CLSTN2: variants seen among roughly 807,000 people sequenced by gnomAD.
CLSTN2 encodes calsyntenin-2.
Under a neutral mutation model 101.2 loss-of-function variants are expected in CLSTN2, and 48 were observed. The observed-to-expected ratio is 0.47, with a 90% CI of 0.38 to 0.60. CLSTN2 has a LOEUF of 0.60. CLSTN2 is among the 20% of genes least tolerant of loss of function. The pLI, the probability that CLSTN2 is intolerant of heterozygous loss-of-function variation, is 0.00. For missense variants in CLSTN2, 1,160 were observed against 1,238.2 expected (o/e 0.94, Z 0.95); for synonymous variants, 481 against 463.6 (o/e 1.04, Z -0.48).
Position 140,184,573 on chromosome 3 carries a change from T to C in CLSTN2, c.232+8500T>C, listed in dbSNP as rs183579914. ...ATTACAATTCGAGATGAGATTCTAGTAGAGACACAGAGCCAAACCATATCA... is the reference window on the plus strand; with the variant it reads ...ATTACAATTCGAGATGAGATTCTAGCAGAGACACAGAGCCAAACCATATCA... On this transcript the variant is annotated intron_variant, in intron 2 of 16. Coordinates refer to ENST00000458420, the MANE Select transcript of CLSTN2 (RefSeq NM_022131.3). 3.9e-5 allele frequency among the ~76,000 whole-genome samples: 6 copies of C among 152,202 alleles called. No homozygotes were observed. The East Asian group carries it at 1.2e-3, about 29-fold the overall frequency.
At chr3:140,259,170 G>GAA (rs5852973) in intron 2 of CLSTN2, among the ~76,000 whole-genome samples, 123 of 147,526 alleles carry the variant, frequency 8.3e-4, no homozygotes, top group African/African-American at 1.5e-3. Context: ...ATAATTGATT[G>GAA]AAAAAAAAAA....
intron 2 of CLSTN2, among the ~76,000 whole-genome samples, chr3:140,187,314 A>G (rs932001428): frequency 6.6e-5 from 10 of 152,084 alleles, no homozygotes; most frequent in Admixed American, 6.5e-5. Flanking sequence ...CTTGGTGACC[A>G]CTGCCTGCCT....
rs779601547 is a variant in CLSTN2, at chr3:140,404,685, G to A, written c.556G>A (p.Glu186Lys). The A allele has an allele frequency of 8.1e-6, 13 of 1,614,082 alleles. No individual in the cohort carries two copies. Among genetic ancestry groups the A allele is most frequent in the Admixed American group, 6.7e-5 (4 of 60,008 alleles). ...DSILQVEAIDEDCSPQYSQIC... is the reference protein window; with the variant it reads ...DSILQVEAIDKDCSPQYSQIC... ...CATTCTGCAGGTGGAGGCCATTGACGAGGACTGCTCCCCACAGTACAGCCA... is the reference window on the plus strand; with the variant it reads ...CATTCTGCAGGTGGAGGCCATTGACAAGGACTGCTCCCCACAGTACAGCCA... Residue 186 changes from glutamate to lysine, a missense_variant, in exon 4 of 17, where the codon GAG becomes AAG. Transcript: ENST00000458420.
At chr3:140,089,062 C>T (rs575034674) in intron 1 of CLSTN2, among the ~76,000 whole-genome samples, 1 of 152,276 alleles carries the variant, frequency 6.6e-6, no homozygotes, top group African/African-American at 2.4e-5. Context: ...ATGCAAAACA[C>T]ATTGAGTCTT....
Position 140,073,247 on chromosome 3 carries a change from A to C in CLSTN2, c.110-102704A>C, listed in dbSNP as rs552915394. 1.1e-3 allele frequency among the ~76,000 whole-genome samples: 161 copies of C among 152,368 alleles called. 1 individual carries two copies. Among genetic ancestry groups the C allele is most frequent in the African/African-American group, 3.8e-3 (158 of 41,590 alleles). On this transcript the variant is annotated intron_variant, in intron 1 of 16. Transcript: ENST00000458420. Reference sequence around the variant, plus strand: ...TAATGTGGTGAAATTGTAAAGGTATAGACGAGTGGGAAGAAAGAAGGAGAG... The same window carrying C: ...TAATGTGGTGAAATTGTAAAGGTATCGACGAGTGGGAAGAAAGAAGGAGAG...
intron 2 of CLSTN2, among the ~76,000 whole-genome samples, chr3:140,235,799 G>A (rs2086411546): frequency 6.6e-6 from 1 of 152,208 alleles, no homozygotes; most frequent in Non-Finnish European, 1.5e-5. Flanking sequence ...GTAGGTGGTA[G>A]TGGGGGGCTG....
At position 140,382,378 on chromosome 3, in the gene CLSTN2, C is replaced by G. The variant is rs116334533; in HGVS notation, c.233-21251C>G. 3.4e-3 allele frequency among the ~76,000 whole-genome samples: 522 copies of G among 152,296 alleles called. 3 individuals are homozygous for G. The highest frequency in any genetic ancestry group is 0.012 in the African/African-American group (484 of 41,582). ...AATATCCTGTGAAGGGAAACAGTCA[C>G]TATTCCCCAACAATGTGAGGGCCAT... On this transcript the variant is annotated intron_variant, in intron 2 of 16. Coordinates refer to ENST00000458420, the MANE Select transcript of CLSTN2 (RefSeq NM_022131.3).
Position 140,483,260 on chromosome 3 carries a change from C to A in CLSTN2, c.1344+16529C>A, listed in dbSNP as rs547120204. Among the ~76,000 whole-genome samples, 123 of 152,158 alleles carry A rather than the reference C, an allele frequency of 8.1e-4. 1 individual carries two copies. Among genetic ancestry groups the A allele is most frequent in the African/African-American group, 2.7e-3 (114 of 41,534 alleles). ...CCATGTAGTTGAGCGGTTTTGAGTG[C>A]GTTTCTTAATCCTGAGTTCTAGTTT... On this transcript the variant is annotated intron_variant, in intron 8 of 16. Coordinates refer to ENST00000458420, the MANE Select transcript of CLSTN2 (RefSeq NM_022131.3).
rs1985531958 is a variant in CLSTN2 at position 140,571,156 on chromosome 3, C to G, written c.*4903C>G. On this transcript the variant is annotated 3_prime_UTR_variant, in exon 17 of 17. Coordinates refer to ENST00000458420, the MANE Select transcript of CLSTN2 (RefSeq NM_022131.3). Reference sequence around the variant, plus strand: ...CCAGCACAGCTCAGCCCATAATGATCTCTGAGCAGGAGTGTTCATTATCTC... The same window carrying G: ...CCAGCACAGCTCAGCCCATAATGATGTCTGAGCAGGAGTGTTCATTATCTC... The G allele has an allele frequency of 1.3e-5, 2 of 152,204 alleles. No homozygotes were observed. Among genetic ancestry groups the G allele is most frequent in the African/African-American group, 4.8e-5 (2 of 41,460 alleles). The allele number at this position is 152,204 out of a possible 1,614,324, so 9.4% of individuals were successfully genotyped here.
At chr3:140,076,623 G>GTT (rs1401368909) in intron 1 of CLSTN2, among the ~76,000 whole-genome samples, 6 of 61,664 alleles carry the variant, frequency 9.7e-5, no homozygotes, top group African/African-American at 5.1e-4. Context: ...CTCACCAGCA[G>GTT]TGTTTTTTTT....
intron 2 of CLSTN2, among the ~76,000 whole-genome samples, chr3:140,241,393 A>G (rs2086465665): frequency 6.6e-6 from 1 of 152,108 alleles, no homozygotes; most frequent in Non-Finnish European, 1.5e-5. Context: ...AGGAGAGTGG[A>G]CTCAATGTTT....
intron 2 of CLSTN2, among the ~76,000 whole-genome samples, chr3:140,306,399 T>A (rs2087114290): frequency 6.6e-6 from 1 of 151,928 alleles, no homozygotes; most frequent in Admixed American, 6.6e-5. Flanking sequence ...CAGCAACATG[T>A]TTAGAAAAAA....
intron 1 of CLSTN2, among the ~76,000 whole-genome samples, chr3:139,963,902 A>G (rs1423423810): frequency 6.6e-6 from 1 of 152,208 alleles, no homozygotes; most frequent in African/African-American, 2.4e-5. Flanking sequence ...CCTATGCTGT[A>G]GTGAAATTGG....
Position 140,343,666 on chromosome 3 carries a change from G to T in CLSTN2, c.233-59963G>T, listed in dbSNP as rs1225130198. Among the ~76,000 whole-genome samples the T allele has an allele frequency of 2.6e-5, 4 of 152,208 alleles. No homozygotes were observed. In the South Asian group the frequency reaches 6.2e-4, roughly 24 times the overall value. ...TGTGAGATGTTTCTTAAGCCTGGAA[G>T]TTCCAGACAAAATATTATTATAATG... On this transcript the variant is annotated intron_variant, in intron 2 of 16. Coordinates refer to ENST00000458420, the MANE Select transcript of CLSTN2 (RefSeq NM_022131.3).
At chr3:140,210,844 C>T (rs141961993) in intron 2 of CLSTN2, among the ~76,000 whole-genome samples, 17 of 152,100 alleles carry the variant, frequency 1.1e-4, no homozygotes, top group South Asian at 4.2e-4. Context: ...ATCAGGAAGA[C>T]GGTAGTAACA....
intron 1 of CLSTN2, among the ~76,000 whole-genome samples, chr3:139,989,505 A>C (rs931927701): frequency 6.6e-6 from 1 of 151,796 alleles, no homozygotes; most frequent in Non-Finnish European, 1.5e-5. Flanking sequence ...GCCACTCTCC[A>C]TCCTTCTGGG....
chr3:140,191,845 T>G (rs2010570102), intron 2 of CLSTN2, among the ~76,000 whole-genome samples: 1 of 151,968 alleles, frequency 6.6e-6, no homozygotes, highest in African/African-American at 2.4e-5. Context: ...ATTTTATTGA[T>G]TTTCTTTATT....
chr3:140,301,628 A>G (rs927630615), intron 2 of CLSTN2, among the ~76,000 whole-genome samples: 1 of 152,258 alleles, frequency 6.6e-6, no homozygotes, highest in Non-Finnish European at 1.5e-5. Context: ...CTTGCCCCAA[A>G]AGGGTCACAG....
chr3:140,189,279 G>A (rs2010526932), intron 2 of CLSTN2, among the ~76,000 whole-genome samples: 1 of 152,180 alleles, frequency 6.6e-6, no homozygotes, highest in Non-Finnish European at 1.5e-5. Flanking sequence ...CAGGAGTATA[G>A]TTGCTGGGTC....
Sources: allele counts gnomAD v4.1 joint callset (sites outside exome capture counted in the v4.1 genomes callset), GRCh38; gene constraint gnomAD v4.1.1; transcripts MANE v1.5; gene names NCBI Gene and HGNC (gene_info 2026-07-23, HGNC 2026-07-21).